The following ZNF469 variants were observed in gnomAD, a reference collection of about 807,000 sequenced individuals.
ZNF469 encodes the protein zinc finger protein 469.
Under a neutral mutation model 1.0 loss-of-function variants are expected in ZNF469, and 1 was observed. That is an observed-to-expected ratio of 1.00 (90% CI 0.35 to 4.73). The LOEUF is 4.73. Among genes scored for constraint, ZNF469 ranks in the 30% most tolerant of loss-of-function variants. The pLI is 0.16. For synonymous variants in ZNF469, 2,703 were observed against 2,363.4 expected, an observed-to-expected ratio of 1.14 and a Z score of -4.17; for missense variants, 6,100 against 5,356.3, an observed-to-expected ratio of 1.14 and a Z score of -4.33.
rs1906382996 is a variant in ZNF469 at position 88,433,945 on chromosome 16, C to T, written c.6475C>T (p.Pro2159Ser). The T allele has an allele frequency of 1.3e-6, 2 of 1,550,158 alleles. No individual in the cohort carries two copies. The highest frequency in any genetic ancestry group is 1.7e-6 in the Non-Finnish European group (2 of 1,146,896). ...QLPASPSCRD[P>S]PGPQQLLACS... is the part of the protein sequence containing the mutation. ...GCCAGCATCTCCGTCCTGCAGGGAC[C>T]CTCCCGGCCCCCAGCAGCTGCTGGC... The change falls in exon 3 of 3, where the codon CCT becomes TCT. Residue 2159 changes from proline (P) to serine (S), a missense_variant. Transcript: ENST00000565624.
chr16:88,251,393 A>C, the ZNF469 span, among the ~76,000 whole-genome samples: 39,764 of 151,982 alleles, frequency 0.26, 6,343 homozygotes, highest in Middle Eastern at 0.43. Context: ...TACATGTAGA[A>C]TGTAGATGCT....
At chr16:88,267,127 C>T in the ZNF469 span, among the ~76,000 whole-genome samples, 2 of 151,896 alleles carry the variant, frequency 1.3e-5, no homozygotes, top group African/African-American at 2.4e-5. Context: ...CACTGGCTGG[C>T]GGCACCCTCC....
chr16:88,376,082 G>A, the ZNF469 span, among the ~76,000 whole-genome samples: 8 of 152,234 alleles, frequency 5.3e-5, no homozygotes, highest in African/African-American at 1.9e-4. Context: ...CAGGGCGGGC[G>A]GCACGCAGGC....
intron 1 of ZNF469, among the ~76,000 whole-genome samples, chr16:88,419,789 C>T (rs187033698): frequency 7.9e-4 from 120 of 152,270 alleles, no homozygotes; most frequent in African/African-American, 2.7e-3. Context: ...TCAGAGCAGC[C>T]GCTCAGGTCA....
the ZNF469 span, among the ~76,000 whole-genome samples, chr16:88,254,094 C>T: frequency 9.9e-5 from 15 of 152,142 alleles, no homozygotes; most frequent in Admixed American, 8.5e-4. Context: ...CCTATCCCAA[C>T]ATCACAAAGA....
the ZNF469 span, among the ~76,000 whole-genome samples, chr16:88,275,509 C>T: frequency 1.8e-4 from 27 of 152,168 alleles, no homozygotes; most frequent in African/African-American, 2.7e-4. Context: ...ACCCACCTTC[C>T]GGGGCGTTGA....
the ZNF469 span, among the ~76,000 whole-genome samples, chr16:88,111,992 C>T: frequency 6.6e-6 from 1 of 152,208 alleles, no homozygotes; most frequent in East Asian, 1.9e-4. Flanking sequence ...ACCTCCAGTT[C>T]CATCCGCGTT....
chr16:88,378,267 C>T (rs751179253), upstream of ZNF469, among the ~76,000 whole-genome samples: 16 of 152,196 alleles, frequency 1.1e-4, no homozygotes, highest in Non-Finnish European at 1.9e-4. Context: ...CGGGGCCGGG[C>T]CTGTTTGTGC....
the ZNF469 span, among the ~76,000 whole-genome samples, chr16:88,353,595 T>C: frequency 1.3e-5 from 2 of 152,196 alleles, no homozygotes; most frequent in African/African-American, 2.4e-5. Flanking sequence ...CCTTAGGCCT[T>C]CCCTGCTCGG....
chr16:88,262,854 C>T, the ZNF469 span, among the ~76,000 whole-genome samples: 1 of 152,028 alleles, frequency 6.6e-6, no homozygotes, highest in Non-Finnish European at 1.5e-5. This position sits in a 1 kb window ranked among gnomAD's most constrained non-coding sequence, Gnocchi z 4.3. Context: ...TAGTTAAGTG[C>T]AATAAAACAG....
upstream of ZNF469, among the ~76,000 whole-genome samples, chr16:88,378,933 C>T (rs144416609): frequency 1.9e-3 from 297 of 152,322 alleles, no homozygotes; most frequent in African/African-American, 6.7e-3. Context: ...AGGCGTGGGC[C>T]CACACGTGGC....
the ZNF469 span, among the ~76,000 whole-genome samples, chr16:88,303,305 T>C: frequency 8.2e-3 from 1,243 of 152,384 alleles, 24 homozygotes; most frequent in African/African-American, 0.027. Context: ...CATGTATCAT[T>C]GCATAAGTTC....
the ZNF469 span, among the ~76,000 whole-genome samples, chr16:88,162,399 G>A: frequency 5.4e-3 from 805 of 148,796 alleles, 12 homozygotes; most frequent in African/African-American, 0.019. Context: ...ATGACATAGT[G>A]TTAGAGCCAG....
chr16:88,406,060 C>T (rs1905020465), intron 1 of ZNF469, among the ~76,000 whole-genome samples: 1 of 152,248 alleles, frequency 6.6e-6, no homozygotes. Context: ...CCAGGGACAA[C>T]TTTCCACAGG....
chr16:88,286,902 C>G, the ZNF469 span, among the ~76,000 whole-genome samples: 7 of 152,286 alleles, frequency 4.6e-5, no homozygotes, highest in Non-Finnish European at 8.8e-5. Flanking sequence ...GGGGAACTCG[C>G]TCAGGAGAGG....
chr16:88,405,831 A>G (rs1401948653), intron 1 of ZNF469, among the ~76,000 whole-genome samples: 1 of 152,182 alleles, frequency 6.6e-6, no homozygotes, highest in Non-Finnish European at 1.5e-5. Context: ...AAACGCCTCC[A>G]GCCCTGCAGC....
the ZNF469 span, among the ~76,000 whole-genome samples, chr16:88,117,186 G>A: frequency 1.2e-4 from 6 of 49,734 alleles, no homozygotes; most frequent in African/African-American, 2.6e-4. Flanking sequence ...TGTGAGGGCC[G>A]GGGATGTGTG....
chr16:88,322,120 C>G, the ZNF469 span, among the ~76,000 whole-genome samples: 1 of 152,236 alleles, frequency 6.6e-6, no homozygotes, highest in African/African-American at 2.4e-5. Flanking sequence ...GGAGCCACGG[C>G]AGGAGGTGCC....
chr16:88,202,692 G>A, the ZNF469 span, among the ~76,000 whole-genome samples: 2 of 152,144 alleles, frequency 1.3e-5, no homozygotes, highest in South Asian at 2.1e-4. Flanking sequence ...CCAGGTGGCC[G>A]GATGGTGGTG....
Sources: allele counts gnomAD v4.1 joint callset (sites outside exome capture counted in the v4.1 genomes callset), GRCh38; gene constraint gnomAD v4.1.1; non-coding constraint Gnocchi (gnomAD v3.1); transcripts MANE v1.5; gene names NCBI Gene and HGNC (gene_info 2026-07-23, HGNC 2026-07-21).